CCDC92: variants seen among roughly 807,000 people sequenced by gnomAD.
The protein encoded by CCDC92 is coiled-coil domain-containing protein 92.
Under a neutral mutation model 24.9 loss-of-function variants are expected in CCDC92, and 12 were observed. The observed-to-expected ratio is 0.48, with a 90% CI of 0.31 to 0.78. The LOEUF is 0.78. Ranked by LOEUF, CCDC92 falls within the 30% of genes least tolerant of loss-of-function variation. The probability of loss-of-function intolerance (pLI) is 0.05; values close to 1 mark genes in which losing one functional copy is unlikely to be tolerated. For synonymous variants in CCDC92, 193 were observed against 196.3 expected, an observed-to-expected ratio of 0.98 and a Z score of 0.14; for missense variants, 399 against 439.4, an observed-to-expected ratio of 0.91 and a Z score of 0.82.
intron 1 of CCDC92, among the ~76,000 whole-genome samples, chr12:123,949,850 G>A (rs1370718341): frequency 2.0e-5 from 3 of 152,232 alleles, no homozygotes; most frequent in East Asian, 1.9e-4. Context: ...GCCCGGCCTC[G>A]CCGAGTATGC....
intron 1 of CCDC92, chr12:123,962,859 TA>T (rs371080318): frequency 1.3e-5 from 2 of 149,960 alleles, no homozygotes; most frequent in African/African-American, 2.5e-5. Context: ...GGTTTTTTTT[TA>T]AAAAATCTAA....
intron 1 of CCDC92, among the ~76,000 whole-genome samples, chr12:123,949,414 T>G (rs991661625): frequency 6.6e-6 from 1 of 152,236 alleles, no homozygotes; most frequent in Non-Finnish European, 1.5e-5. Context: ...ATTGGTCTTC[T>G]TCCCTCCTTG....
intron 1 of CCDC92, chr12:123,956,158 T>C (rs7977067): frequency 6.6e-6 from 1 of 152,252 alleles, no homozygotes; most frequent in Non-Finnish European, 1.5e-5. Context: ...ATTTTAGTAC[T>C]TACATACCTT....
rs766288991 is a variant in CCDC92, at chr12:123,937,295, G to A, written c.759C>T (p.Ala253=). The A allele has an allele frequency of 2.5e-5, 41 of 1,613,020 alleles. No individual in the cohort carries two copies. Among genetic ancestry groups the A allele is most frequent in the African/African-American group, 6.7e-5 (5 of 74,928 alleles). The change falls in exon 5 of 5, where the codon GCC becomes GCT. Residue 253 remains alanine (A), a synonymous_variant. Transcript: ENST00000238156. This position sits in a 1 kb window ranked among gnomAD's most constrained non-coding sequence, Gnocchi z 8.4. ...PTPFLLARES[A]EVHLIKERPL... ...GCCTCTCTTTGATGAGGTGGACCTCGGCGGACTCCCTAGCCAGCAGAAATG... is the reference window on the plus strand; with the variant it reads ...GCCTCTCTTTGATGAGGTGGACCTCAGCGGACTCCCTAGCCAGCAGAAATG...
At chr12:123,949,466 C>T (rs968978788) in intron 1 of CCDC92, among the ~76,000 whole-genome samples, 1 of 152,254 alleles carries the variant, frequency 6.6e-6, no homozygotes, top group Non-Finnish European at 1.5e-5. Flanking sequence ...CTCCAACTGA[C>T]TATCACTTCA....
chr12:123,964,562 G>C (rs1257938014), intron 1 of CCDC92, among the ~76,000 whole-genome samples: 1 of 152,108 alleles, frequency 6.6e-6, no homozygotes, highest in East Asian at 1.9e-4. Flanking sequence ...ATTTGGGAGT[G>C]GGGGTGGGGC....
chr12:123,966,449 A>G (rs1956395207), intron 1 of CCDC92: 1 of 152,210 alleles, frequency 6.6e-6, no homozygotes, highest in Non-Finnish European at 1.5e-5. Flanking sequence ...TCTTTTGAGA[A>G]ATAGCTAAGT....
At position 123,937,409 on chromosome 12, in the gene CCDC92, G is replaced by C. The variant is rs559698435; in HGVS notation, c.645C>G (p.His215Gln). 6.2e-7 allele frequency: 1 copy of C among 1,613,922 alleles called. No individual in the cohort carries two copies. The highest frequency in any genetic ancestry group is 2.2e-5 in the East Asian group (1 of 44,868). Residue 215 changes from histidine to glutamine, a missense_variant, in exon 5 of 5, where the codon CAC (histidine) becomes CAG (glutamine). His to Gln is a conservative substitution (Grantham distance 24). Transcript: ENST00000238156. The surrounding 1 kb of genome is among the most constrained non-coding windows in gnomAD (Gnocchi z 8.4). Reference protein sequence around the residue: ...RMKKSLSAPLHPEFEEVYRFG... With the variant: ...RMKKSLSAPLQPEFEEVYRFG... ...ATCTGTAGACCTCTTCAAATTCCGG[G>C]TGCAAGGGGGCTGAGAGGCTCTTTT...
intron 1 of CCDC92, among the ~76,000 whole-genome samples, chr12:123,959,568 G>C (rs550639582): frequency 2.6e-5 from 4 of 152,190 alleles, no homozygotes; most frequent in Non-Finnish European, 4.4e-5. Context: ...GCCTCTCAAA[G>C]TGCTGGGATT....
At chr12:123,939,463 G>A (rs1955620488) in intron 4 of CCDC92, among the ~76,000 whole-genome samples, 1 of 151,566 alleles carries the variant, frequency 6.6e-6, no homozygotes, top group Non-Finnish European at 1.5e-5. Context: ...TCCAATGTAA[G>A]TTGAAAATAC....
At chr12:123,946,990 G>A (rs1955889115) in intron 1 of CCDC92, among the ~76,000 whole-genome samples, 1 of 152,172 alleles carries the variant, frequency 6.6e-6, no homozygotes, top group African/African-American at 2.4e-5. Context: ...GGCGCTTGCA[G>A]GCCAGCTGGA....
chr12:123,964,043 CCT>C (rs1481271472), intron 1 of CCDC92, among the ~76,000 whole-genome samples: 1 of 151,994 alleles, frequency 6.6e-6, no homozygotes, highest in Non-Finnish European at 1.5e-5. Context: ...ACCAGGAAAC[CCT>C]GTTTACAAGA....
Position 123,936,628 on chromosome 12 carries a change from G to A in CCDC92, c.*430C>T. On this transcript the variant is annotated 3_prime_UTR_variant, in exon 5 of 5. Coordinates refer to ENST00000238156, the MANE Select transcript of CCDC92 (RefSeq NM_025140.3). ...CAGGAGGAGCTCGGGAGGTGACAAG[G>A]GTCTCCAGGAGGGAGCAGGGGCTGC... 1 of 192,282 alleles carries A rather than the reference G, an allele frequency of 5.2e-6. No homozygotes were observed. The highest frequency in any genetic ancestry group is 1.1e-4 in the South Asian group (1 of 9,112). 11.9% of individuals were successfully genotyped at this position (192,282 alleles called of 1,614,324 possible). A position where few individuals can be genotyped will look rare whatever the true frequency, so the allele number is the denominator to read the frequency against.
At chr12:123,960,048 G>A (rs967000879) in intron 1 of CCDC92, among the ~76,000 whole-genome samples, 4 of 152,206 alleles carry the variant, frequency 2.6e-5, no homozygotes, top group African/African-American at 7.2e-5. Context: ...TTATGTCTTC[G>A]TAGCATTTAT....
chr12:123,938,405 G>A (rs1377207402), intron 4 of CCDC92, among the ~76,000 whole-genome samples: 9 of 151,792 alleles, frequency 5.9e-5, no homozygotes, highest in Non-Finnish European at 8.8e-5. Flanking sequence ...GAGCTGTCTC[G>A]CCTCTGTGGC....
chr12:123,944,543 C>G (rs1201662371), intron 1 of CCDC92, 179 bp from the exon 2 acceptor site: 1 of 466,670 alleles, frequency 2.1e-6, no homozygotes, highest in South Asian at 4.3e-5. Context: ...TTTGGAGACA[C>G]TGACACACCC....
At chr12:123,960,116 CAGG>C (rs1464758303) in intron 1 of CCDC92, among the ~76,000 whole-genome samples, 1 of 152,198 alleles carries the variant, frequency 6.6e-6, no homozygotes, top group East Asian at 1.9e-4. Flanking sequence ...ATGTAAACTC[CAGG>C]AGAACAAGGA....
At chr12:123,970,809 G>C (rs1956509116) in intron 1 of CCDC92, among the ~76,000 whole-genome samples, 1 of 152,166 alleles carries the variant, frequency 6.6e-6, no homozygotes, top group Admixed American at 6.5e-5. Flanking sequence ...CCAGAAATAC[G>C]AGAAAATGCT....
At chr12:123,957,617 C>A (rs1048841458) in intron 1 of CCDC92, among the ~76,000 whole-genome samples, 14 of 150,506 alleles carry the variant, frequency 9.3e-5, no homozygotes, top group Non-Finnish European at 1.9e-4. Flanking sequence ...AATCATTAAT[C>A]AAAATAGTAA....
Sources: gnomAD v4.1 joint callset for allele counts (sites outside exome capture counted in the v4.1 genomes callset) on GRCh38, gnomAD v4.1.1 for gene constraint, Gnocchi (gnomAD v3.1) non-coding constraint, MANE v1.5 for transcripts, NCBI Gene and HGNC (gene_info 2026-07-23, HGNC 2026-07-21) for gene names.